The following EPB41L5 variants were observed in gnomAD, a reference collection of about 807,000 sequenced individuals.
The protein encoded by EPB41L5 is erythrocyte membrane protein band 4.1 like 5.
EPB41L5 carries 55 observed loss-of-function variants against 106.6 expected under a neutral mutation model. That is an observed-to-expected ratio of 0.52 (90% CI 0.42 to 0.65). The LOEUF (loss-of-function observed/expected upper bound fraction) is 0.65. Ranked by LOEUF, EPB41L5 falls within the 30% of genes least tolerant of loss-of-function variation. EPB41L5 has a pLI of 0.00. For missense variants in EPB41L5, 871 were observed against 882.1 expected (o/e 0.99, Z 0.16); for synonymous variants, 297 against 306.7 (o/e 0.97, Z 0.33).
chr2:120,061,834 T>G (rs1240309900), intron 3 of EPB41L5, among the ~76,000 whole-genome samples: 1 of 152,202 alleles, frequency 6.6e-6, no homozygotes, highest in Non-Finnish European at 1.5e-5. Context: ...GTCTTTTTCT[T>G]AAATTGTTTG....
At chr2:120,073,384 T>C (rs1179354153) in intron 4 of EPB41L5, among the ~76,000 whole-genome samples, 164 bp downstream of exon 4, 1 of 152,216 alleles carries the variant, frequency 6.6e-6, no homozygotes, top group African/African-American at 2.4e-5. Flanking sequence ...CCCCAAGTCA[T>C]GTAGGCTTGA....
At chr2:120,067,708 G>A (rs953348501) in intron 3 of EPB41L5, among the ~76,000 whole-genome samples, 1 of 152,120 alleles carries the variant, frequency 6.6e-6, no homozygotes, top group Non-Finnish European at 1.5e-5. Context: ...TACTCTGAAG[G>A]TTCTTTTAAA....
At chr2:120,127,092 T>C (rs1027491401) in intron 16 of EPB41L5, among the ~76,000 whole-genome samples, 5 of 152,208 alleles carry the variant, frequency 3.3e-5, no homozygotes, top group Admixed American at 6.5e-5. Flanking sequence ...ATTTTTCTTA[T>C]ATTGATCTTG....
At position 120,143,137 on chromosome 2, in the gene EPB41L5, C is replaced by G; in HGVS notation, c.1728+6C>G. The G allele has an allele frequency of 6.3e-7, 1 of 1,580,816 alleles. No homozygotes were observed. The highest frequency in any genetic ancestry group is 8.6e-7 in the Non-Finnish European group (1 of 1,167,350). ...AAGTAGAAGCAGTGCATAAGGTAAG[C>G]TGCCTTTGATAGATAGCCCTGGTGA... is the stretch of plus-strand genomic sequence containing the variant. On this transcript the variant is annotated splice_donor_region_variant and intron_variant, in intron 19 of 24. Transcript: ENST00000263713.
In EPB41L5 at chr2:120,035,550, G is replaced by T. The variant is rs56355721; in HGVS notation, c.181-6456G>T. Reference sequence around the variant, plus strand: ...CAACTTCAGTGATAGAGTGCCTGTAGTTCCAGCTACTCAGGAGGCTGAGGT... The same window carrying T: ...CAACTTCAGTGATAGAGTGCCTGTATTTCCAGCTACTCAGGAGGCTGAGGT... On this transcript the variant is annotated intron_variant, in intron 2 of 24. Transcript: ENST00000263713. Among the ~76,000 whole-genome samples the T allele has an allele frequency of 7.6e-3, 1,164 of 152,254 alleles. 12 individuals are homozygous for T. The highest frequency in any genetic ancestry group is 0.027 in the African/African-American group (1,104 of 41,520).
chr2:120,127,176 C>T (rs531912208), intron 16 of EPB41L5, among the ~76,000 whole-genome samples: 1 of 151,790 alleles, frequency 6.6e-6, no homozygotes, highest in Non-Finnish European at 1.5e-5. Context: ...ATTTTTTTCC[C>T]TTAGGTTTTC....
intron 3 of EPB41L5, among the ~76,000 whole-genome samples, chr2:120,054,689 T>G (rs992895147): frequency 2.6e-5 from 4 of 151,890 alleles, no homozygotes; most frequent in African/African-American, 9.7e-5. Context: ...GCTATGAAGT[T>G]GGGGTCCACC....
chr2:120,054,865 CTTT>C (rs34163490), intron 3 of EPB41L5, among the ~76,000 whole-genome samples: 108 of 129,780 alleles, frequency 8.3e-4, no homozygotes, highest in African/African-American at 2.5e-3. Context: ...CATATATACA[CTTT>C]TTTTTTTTTT....
At position 120,127,984 on chromosome 2, in the gene EPB41L5, C is replaced by T. The variant is rs954312559; in HGVS notation, c.1501+133C>T. The T allele has an allele frequency of 9.4e-6, 7 of 746,814 alleles. No individual in the cohort carries two copies. In the Admixed American group the frequency reaches 1.1e-4, roughly 11 times the overall value. 46.3% of individuals were successfully genotyped at this position (746,814 alleles called of 1,614,324 possible). On this transcript the variant is annotated intron_variant, in intron 17 of 24. Coordinates refer to ENST00000263713, the MANE Select transcript of EPB41L5 (RefSeq NM_020909.4). ...AAATTTAATTCAGAAGAGTTATGCC[C>T]TCTTGCCTTTTTGACTTAAGGTAAC...
At chr2:120,084,645 G>C (rs1008787810) in intron 10 of EPB41L5, among the ~76,000 whole-genome samples, 1 of 152,104 alleles carries the variant, frequency 6.6e-6, no homozygotes, top group African/African-American at 2.4e-5. Context: ...GGTGTTCTCT[G>C]TATTTCCTGA....
At chr2:120,127,589 C>A in intron 16 of EPB41L5, 99 bp from the exon 17 acceptor site, 1 of 921,692 alleles carries the variant, frequency 1.1e-6, no homozygotes, top group Non-Finnish European at 1.6e-6. Context: ...TGCTTGAATT[C>A]ACAGATGTGG....
intron 3 of EPB41L5, among the ~76,000 whole-genome samples, chr2:120,070,803 A>C (rs1337172208): frequency 6.6e-6 from 1 of 152,106 alleles, no homozygotes; most frequent in Non-Finnish European, 1.5e-5. Flanking sequence ...CATGTTAAAA[A>C]CTCTCAATAA....
intron 3 of EPB41L5, among the ~76,000 whole-genome samples, chr2:120,062,011 A>G (rs1681118249): frequency 6.6e-6 from 1 of 152,034 alleles, no homozygotes; most frequent in Non-Finnish European, 1.5e-5. Flanking sequence ...TTTTTTTGAG[A>G]TCCCTAGATT....
intron 16 of EPB41L5, chr2:120,104,275 A>T (rs754414749): frequency 2.6e-6 from 4 of 1,519,592 alleles, no homozygotes; most frequent in South Asian, 2.5e-5. Context: ...ACTCTTTGTC[A>T]TGCAAGTTGA....
chr2:120,096,756 CT>C (rs1234199440), intron 14 of EPB41L5, among the ~76,000 whole-genome samples: 1 of 152,158 alleles, frequency 6.6e-6, no homozygotes, highest in Non-Finnish European at 1.5e-5. Context: ...CGCCACTGCA[CT>C]CTAGCCCGGG....
At chr2:120,164,736 C>A in intron 21 of EPB41L5, 100 bp from the exon 22 acceptor site, 1 of 740,666 alleles carries the variant, frequency 1.4e-6, no homozygotes, top group Non-Finnish European at 2.3e-6. Flanking sequence ...TAACACTAAT[C>A]AGGCCTGTGT....
chr2:120,067,543 G>T (rs895744623), intron 3 of EPB41L5, among the ~76,000 whole-genome samples: 2 of 152,202 alleles, frequency 1.3e-5, no homozygotes, highest in Non-Finnish European at 2.9e-5. Context: ...GCTGGGAATG[G>T]TTTATCAGTG....
At position 120,142,513 on chromosome 2, in the gene EPB41L5, T is replaced by C. The variant is rs193184397; in HGVS notation, c.1600-490T>C. Among the ~76,000 whole-genome samples the C allele has an allele frequency of 7.4e-4, 113 of 152,330 alleles. 1 individual carries two copies. The highest frequency in any genetic ancestry group is 2.5e-3 in the African/African-American group (104 of 41,580). ...GGCATGTGTGAGCTTTAGCAACTAGTATTTTTGGGCTAAAAGATGAAAAGT... is the reference window on the plus strand; with the variant it reads ...GGCATGTGTGAGCTTTAGCAACTAGCATTTTTGGGCTAAAAGATGAAAAGT... On this transcript the variant is annotated intron_variant, in intron 18 of 24. Transcript: ENST00000263713.
chr2:120,112,832 C>T (rs1212279428), intron 16 of EPB41L5, among the ~76,000 whole-genome samples: 1 of 152,142 alleles, frequency 6.6e-6, no homozygotes, highest in African/African-American at 2.4e-5. Context: ...GCAAAGCATC[C>T]TCATTTAATC....
Sources: gnomAD v4.1 joint callset for allele counts (sites outside exome capture counted in the v4.1 genomes callset) on GRCh38, gnomAD v4.1.1 for gene constraint, MANE v1.5 for transcripts, NCBI Gene and HGNC (gene_info 2026-07-23, HGNC 2026-07-21) for gene names.